The following MDGA2 variants were observed in gnomAD, a reference collection of about 807,000 sequenced individuals.
The protein encoded by MDGA2 is MAM domain containing glycosylphosphatidylinositol anchor 2.
Under a neutral mutation model 117.8 loss-of-function variants are expected in MDGA2, and 40 were observed. The ratio of observed to expected loss-of-function variants is 0.34; its 90% CI spans 0.26 to 0.44. The LOEUF (loss-of-function observed/expected upper bound fraction) is 0.44, where lower values mean the gene tolerates loss of function less well. Among genes scored for constraint, MDGA2 ranks in the 20% least tolerant of loss-of-function variants. The pLI, the probability that MDGA2 is intolerant of heterozygous loss-of-function variation, is 1.00. For synonymous variants in MDGA2, 452 were observed against 439.0 expected, an observed-to-expected ratio of 1.03 and a Z score of -0.37; for missense variants, 1,123 against 1,250.6, an observed-to-expected ratio of 0.90 and a Z score of 1.54.
Position 47,018,307 on chromosome 14 carries a change from T to C in MDGA2, c.1819+16704A>G, listed in dbSNP as rs115667349. ...GTGCCTTCTGCTAGTGGCTTAGCACTAAGGATAAAGAGAAGTAAAGATCTC... is the reference window on the plus strand; with the variant it reads ...GTGCCTTCTGCTAGTGGCTTAGCACCAAGGATAAAGAGAAGTAAAGATCTC... On this transcript the variant is annotated intron_variant, in intron 8 of 16. Transcript: ENST00000399232. 3.4e-3 allele frequency among the ~76,000 whole-genome samples: 517 copies of C among 152,166 alleles called. 7 individuals carry two copies. Among genetic ancestry groups the C allele is most frequent in the African/African-American group, 0.012 (486 of 41,544 alleles).
At chr14:47,447,111 T>C (rs985752482) in intron 1 of MDGA2, among the ~76,000 whole-genome samples, 3 of 152,204 alleles carry the variant, frequency 2.0e-5, no homozygotes, top group Non-Finnish European at 2.9e-5. Context: ...TTCTTGATAC[T>C]AAAATAGCTT....
At chr14:47,520,474 C>A (rs753547601) in intron 1 of MDGA2, among the ~76,000 whole-genome samples, 1 of 152,208 alleles carries the variant, frequency 6.6e-6, no homozygotes, top group Admixed American at 6.5e-5. Context: ...ATATTATGAA[C>A]CCATGTGAAC....
intron 8 of MDGA2, among the ~76,000 whole-genome samples, chr14:47,022,459 A>G (rs970638524): frequency 2.0e-4 from 30 of 152,204 alleles, no homozygotes; most frequent in African/African-American, 6.5e-4. Flanking sequence ...GCACTTACTG[A>G]TCTAGGCATT....
At chr14:47,378,324 G>C (rs577240272) in intron 1 of MDGA2, among the ~76,000 whole-genome samples, 1 of 152,174 alleles carries the variant, frequency 6.6e-6, no homozygotes, top group East Asian at 1.9e-4. Context: ...AAGGAACGCA[G>C]CTCCTTGCCA....
intron 1 of MDGA2, among the ~76,000 whole-genome samples, chr14:47,344,456 A>G (rs73255905): frequency 0.041 from 6,182 of 152,250 alleles, 170 homozygotes; most frequent in African/African-American, 0.076. Flanking sequence ...GATTATTATT[A>G]AAGAATGTGA....
intron 8 of MDGA2, among the ~76,000 whole-genome samples, chr14:47,029,614 A>T (rs1438636584): frequency 1.3e-5 from 2 of 152,162 alleles, no homozygotes; most frequent in African/African-American, 2.4e-5. Context: ...TCAAGGAAGT[A>T]TACTTTGAAA....
intron 9 of MDGA2, among the ~76,000 whole-genome samples, chr14:46,928,566 C>G (rs1465251988): frequency 3.9e-5 from 6 of 152,100 alleles, no homozygotes; most frequent in Non-Finnish European, 7.4e-5. Context: ...AATCAATGAA[C>G]TTTCCACATG....
chr14:47,238,061 C>A (rs1301874003), intron 2 of MDGA2, among the ~76,000 whole-genome samples: 1 of 152,160 alleles, frequency 6.6e-6, no homozygotes, highest in Non-Finnish European at 1.5e-5. Context: ...CTGAAAGACA[C>A]CAAGAGTCCT....
chr14:46,968,975 C>G (rs1886149554), intron 8 of MDGA2, among the ~76,000 whole-genome samples: 1 of 152,108 alleles, frequency 6.6e-6, no homozygotes. Flanking sequence ...AAAACAATCC[C>G]ACTTGCAATA....
chr14:46,864,184 G>C (rs1342024660), intron 14 of MDGA2, among the ~76,000 whole-genome samples: 1 of 149,606 alleles, frequency 6.7e-6, no homozygotes, highest in African/African-American at 2.5e-5. Flanking sequence ...GGACAGAAAA[G>C]TTTTGGAATG....
At chr14:46,982,129 A>G (rs986767550) in intron 8 of MDGA2, among the ~76,000 whole-genome samples, 18 of 152,208 alleles carry the variant, frequency 1.2e-4, no homozygotes, top group Non-Finnish European at 2.2e-4. Context: ...TGTTGTAACA[A>G]GAACTTTTCA....
chr14:47,608,260 A>G (rs1896777205), intron 1 of MDGA2, among the ~76,000 whole-genome samples: 2 of 152,154 alleles, frequency 1.3e-5, no homozygotes, highest in Admixed American at 1.3e-4. Context: ...ATCTTTTATT[A>G]AGACTTTTCC....
chr14:47,585,616 A>C (rs1287259376), intron 1 of MDGA2, among the ~76,000 whole-genome samples: 4 of 151,812 alleles, frequency 2.6e-5, no homozygotes, highest in Non-Finnish European at 5.9e-5. Context: ...AACAGAAGCC[A>C]AAAGGAGAGT....
chr14:47,573,894 TAG>T (rs1295376783), intron 1 of MDGA2, among the ~76,000 whole-genome samples: 3 of 152,110 alleles, frequency 2.0e-5, no homozygotes, highest in Admixed American at 6.6e-5. Flanking sequence ...GGTGAAACAG[TAG>T]AGAGTAAAAC....
intron 1 of MDGA2, among the ~76,000 whole-genome samples, chr14:47,398,288 G>C (rs1892058986): frequency 6.6e-6 from 1 of 152,128 alleles, no homozygotes; most frequent in Non-Finnish European, 1.5e-5. Flanking sequence ...ATATTATTTT[G>C]AGAGTTACAG....
chr14:47,563,578 G>GTTTTTTTTTTTTTTTTTTTTTT (rs56244321), intron 1 of MDGA2, among the ~76,000 whole-genome samples: 2 of 56,974 alleles, frequency 3.5e-5, no homozygotes, highest in Non-Finnish European at 3.2e-5. Flanking sequence ...GCTTTTTTCT[G>GTTTTTTTTTTTTTTTTTTTTTT]TTTTTTTTTT....
At chr14:47,483,060 T>C (rs191635885) in intron 1 of MDGA2, among the ~76,000 whole-genome samples, 1 of 152,226 alleles carries the variant, frequency 6.6e-6, no homozygotes, top group African/African-American at 2.4e-5. Context: ...TGACATACTT[T>C]CAAGTTTTAA....
chr14:47,034,084 C>T (rs151190577), intron 8 of MDGA2, among the ~76,000 whole-genome samples: 29 of 152,268 alleles, frequency 1.9e-4, no homozygotes, highest in African/African-American at 7.0e-4. Flanking sequence ...GTATATTTAA[C>T]AAATAGTATG....
chr14:47,470,846 T>G lies in MDGA2; in HGVS notation c.281-169296A>C, dbSNP rs373252429. 6.6e-4 allele frequency among the ~76,000 whole-genome samples: 101 copies of G among 152,308 alleles called. 1 individual carries two copies. Among genetic ancestry groups the G allele is most frequent in the African/African-American group, 2.2e-3 (93 of 41,578 alleles). ...CAGTGGCCAAATTGTCATCAATTAATGAAAGCACGGAAGTGATGCTGATTT... is the reference window on the plus strand; with the variant it reads ...CAGTGGCCAAATTGTCATCAATTAAGGAAAGCACGGAAGTGATGCTGATTT... On this transcript the variant is annotated intron_variant, in intron 1 of 16. Coordinates refer to ENST00000399232, the MANE Select transcript of MDGA2 (RefSeq NM_001113498.3).
Sources: gnomAD v4.1 joint callset for allele counts (sites outside exome capture counted in the v4.1 genomes callset) on GRCh38, gnomAD v4.1.1 for gene constraint, MANE v1.5 for transcripts, NCBI Gene and HGNC (gene_info 2026-07-23, HGNC 2026-07-21) for gene names.